EP400: variants seen among roughly 807,000 people sequenced by gnomAD.
The protein encoded by EP400 is E1A-binding protein p400.
Under a neutral mutation model 354.1 loss-of-function variants are expected in EP400, and 105 were observed. That is an observed-to-expected ratio of 0.30 (90% confidence interval 0.25 to 0.35). The LOEUF is 0.35. Ranked by LOEUF, EP400 falls within the 10% of genes least tolerant of loss-of-function variation. EP400 has a pLI of 1.00. For synonymous variants in EP400, 1,646 were observed against 1,716.9 expected (o/e 0.96, Z 1.02); for missense variants, 3,280 against 4,121.0 (o/e 0.80, Z 5.59).
At chr12:132,006,659 T>G (rs1893592348) in intron 14 of EP400, 41 bp from the exon 15 acceptor site, 1 of 1,541,686 alleles carries the variant, frequency 6.5e-7, no homozygotes, top group Non-Finnish European at 8.7e-7. Flanking sequence ...TGGGTGATTA[T>G]TTTGACGAGC....
At chr12:132,049,629 G>C (rs1414569318) in intron 39 of EP400, among the ~76,000 whole-genome samples, 2 of 152,212 alleles carry the variant, frequency 1.3e-5, no homozygotes, top group South Asian at 2.1e-4. Flanking sequence ...TGGGGGAAGA[G>C]CCCTGGGTGA....
intron 39 of EP400, among the ~76,000 whole-genome samples, chr12:132,048,363 A>G (rs910808261): frequency 6.6e-6 from 1 of 152,210 alleles, no homozygotes; most frequent in Non-Finnish European, 1.5e-5. Context: ...GTAAATGTCC[A>G]TGAAATATTC....
chr12:132,031,147 G>T, intron 29 of EP400: 1 of 454,490 alleles, frequency 2.2e-6, no homozygotes, highest in South Asian at 1.6e-5. Flanking sequence ...CGTTATGGAA[G>T]AAAAGTATTC....
intron 1 of EP400, among the ~76,000 whole-genome samples, chr12:131,952,847 GT>G (rs1891561684): frequency 6.6e-6 from 1 of 151,920 alleles, no homozygotes; most frequent in African/African-American, 2.4e-5. Context: ...CCAGTTCTTT[GT>G]TTTCCATCTT....
intron 5 of EP400, among the ~76,000 whole-genome samples, chr12:131,986,289 T>C (rs994019946): frequency 2.0e-5 from 3 of 152,236 alleles, no homozygotes; most frequent in Non-Finnish European, 4.4e-5. Flanking sequence ...TAAAGATAGT[T>C]CATAATGAAA....
intron 2 of EP400, among the ~76,000 whole-genome samples, chr12:131,966,273 G>T (rs1157093941): frequency 6.6e-6 from 1 of 151,942 alleles, no homozygotes; most frequent in Admixed American, 6.6e-5. Flanking sequence ...TTGAGGCTGG[G>T]AATTTAAGAC....
chr12:132,073,661 C>T (rs1408923925), intron 51 of EP400, among the ~76,000 whole-genome samples: 1 of 151,858 alleles, frequency 6.6e-6, no homozygotes, highest in Non-Finnish European at 1.5e-5. Context: ...CCATGTTGGC[C>T]AGGCTAGTCT....
At chr12:132,048,798 C>T (rs1211592257) in intron 39 of EP400, among the ~76,000 whole-genome samples, 1 of 152,188 alleles carries the variant, frequency 6.6e-6, no homozygotes, top group African/African-American at 2.4e-5. Context: ...AATCTACCCA[C>T]CTCGGCCTCC....
At chr12:132,026,370 G>A (rs1894304788) in intron 25 of EP400, among the ~76,000 whole-genome samples, 1 of 152,222 alleles carries the variant, frequency 6.6e-6, no homozygotes, top group Non-Finnish European at 1.5e-5. Flanking sequence ...TTGTCCTGGT[G>A]GCCGAGTGGT....
chr12:132,045,286 TA>T, intron 37 of EP400, 32 bp from the exon 38 acceptor site: 2 of 1,611,446 alleles, frequency 1.2e-6, no homozygotes, highest in Non-Finnish European at 1.7e-6. Context: ...TCTCCTGGTT[TA>T]CTCTCTTGCT....
At chr12:132,002,698 T>C (rs1893456964) in intron 12 of EP400, among the ~76,000 whole-genome samples, 1 of 152,216 alleles carries the variant, frequency 6.6e-6, no homozygotes, top group Non-Finnish European at 1.5e-5. Context: ...CTGTAGTATC[T>C]TTTGTAGCTG....
At chr12:131,968,855 T>C (rs904973939) in intron 2 of EP400, among the ~76,000 whole-genome samples, 15 of 152,130 alleles carry the variant, frequency 9.9e-5, no homozygotes, top group Non-Finnish European at 1.2e-4. Context: ...TTTCCAGCTG[T>C]TTATTGTAAG....
In EP400 at chr12:132,018,064, C is replaced by T. The variant is rs922834892; in HGVS notation, c.4111-146C>T. The T allele has an allele frequency of 1.2e-5, 11 of 953,962 alleles. No homozygotes were observed. Among genetic ancestry groups the T allele is most frequent in the African/African-American group, 6.7e-5 (4 of 60,078 alleles). The allele number at this position is 953,962 out of a possible 1,614,324, so 59.1% of individuals were successfully genotyped here. ...GTGTGGCAGCACCTGTGTATTGGCA[C>T]GGAGGAGGGTCTGCTTGCCGAGTGG... On this transcript the variant is annotated intron_variant, in intron 20 of 52. Coordinates refer to ENST00000389561, the MANE Select transcript of EP400 (RefSeq NM_015409.5). The surrounding 1 kb of genome is among the most constrained non-coding windows in gnomAD (Gnocchi z 4.0).
At chr12:132,033,072 C>G (rs915168197) in intron 30 of EP400, among the ~76,000 whole-genome samples, 1 of 152,144 alleles carries the variant, frequency 6.6e-6, no homozygotes, top group Non-Finnish European at 1.5e-5. Context: ...CTCAGCCCCC[C>G]GAGGAGCTGA....
In EP400 at chr12:132,055,083, C is replaced by T; in HGVS notation, c.7775-16C>T. The T allele has an allele frequency of 6.2e-7, 1 of 1,613,760 alleles. No homozygotes were observed. Among genetic ancestry groups the T allele is most frequent in the Non-Finnish European group, 8.5e-7 (1 of 1,179,858 alleles). On this transcript the variant is annotated splice_polypyrimidine_tract_variant and intron_variant, in intron 44 of 52. Coordinates refer to ENST00000389561, the MANE Select transcript of EP400 (RefSeq NM_015409.5). Reference sequence around the variant, plus strand: ...TTCTCCTGGCGCTGTTGCCTTATGCCCGCCTGTCTCCGCAGGTGCCGTGAG... The same window carrying T: ...TTCTCCTGGCGCTGTTGCCTTATGCTCGCCTGTCTCCGCAGGTGCCGTGAG...
In EP400 at chr12:132,043,416, A is replaced by T; in HGVS notation, c.6320A>T (p.Asp2107Val). Residue 2107 changes from aspartate to valine, a missense_variant, in exon 33 of 53, where the codon GAT becomes GTT. By Grantham distance (152) the Asp-to-Val change is radical (BLOSUM62 -3). Around this residue, in one of 20 missense-constraint regions of EP400, gnomAD observed 54 missense variants for 41.3 expected, o/e 1.31. Transcript: ENST00000389561. ...TCAGACTCTGAGAACATGCCGTGTGATGAAGAACCATCCCAATTAGAGGAG... is the reference window on the plus strand; with the variant it reads ...TCAGACTCTGAGAACATGCCGTGTGTTGAAGAACCATCCCAATTAGAGGAG... ...LSSDSENMPC[D>V]EEPSQLEELA... The T allele has an allele frequency of 6.2e-7, 1 of 1,613,564 alleles. No individual in the cohort carries two copies. Among genetic ancestry groups the T allele is most frequent in the South Asian group, 1.1e-5 (1 of 91,042 alleles).
At chr12:132,076,974 G>T (rs1260496676) in intron 52 of EP400, among the ~76,000 whole-genome samples, 2 of 152,262 alleles carry the variant, frequency 1.3e-5, no homozygotes, top group Non-Finnish European at 2.9e-5. Flanking sequence ...TCCCACAGAA[G>T]CCCTTCAGGC....
intron 2 of EP400, among the ~76,000 whole-genome samples, chr12:131,974,847 G>T (rs888483730): frequency 6.6e-6 from 1 of 151,806 alleles, no homozygotes; most frequent in South Asian, 2.1e-4. Flanking sequence ...AAAATTAGCC[G>T]GGCTTGGTGG....
At chr12:131,999,813 T>G (rs1893345590) in intron 12 of EP400, among the ~76,000 whole-genome samples, 1 of 152,160 alleles carries the variant, frequency 6.6e-6, no homozygotes, top group Non-Finnish European at 1.5e-5. Flanking sequence ...TTCTAGGAAT[T>G]TCTTTATTTC....
Sources: allele counts gnomAD v4.1 joint callset (sites outside exome capture counted in the v4.1 genomes callset), GRCh38; gene constraint gnomAD v4.1.1; regional missense constraint gnomAD v4.1.1; non-coding constraint Gnocchi (gnomAD v3.1); transcripts MANE v1.5; gene names NCBI Gene and HGNC (gene_info 2026-07-23, HGNC 2026-07-21).